Variants in BRD4 observed in about 807,000 individuals in gnomAD.
BRD4 encodes the protein bromodomain containing 4, also known as bromodomain-containing protein 4.
BRD4 carries 16 observed loss-of-function variants against 142.1 expected under a neutral mutation model. The ratio of observed to expected loss-of-function variants is 0.11; its 90% CI spans 0.08 to 0.17. The LOEUF is 0.17. BRD4 is among the 10% of genes least tolerant of loss of function. The pLI is 1.00. For missense variants in BRD4, 1,424 were observed against 1,810.9 expected, an observed-to-expected ratio of 0.79 and a Z score of 3.88; for synonymous variants, 833 against 707.5, an observed-to-expected ratio of 1.18 and a Z score of -2.82.
At chr19:15,304,927 A>G (rs1321824732) in intron 1 of BRD4, among the ~76,000 whole-genome samples, 2 of 152,160 alleles carry the variant, frequency 1.3e-5, no homozygotes, top group Non-Finnish European at 2.9e-5. Flanking sequence ...AACTTCCAGA[A>G]GAAAATATAA....
intron 1 of BRD4, among the ~76,000 whole-genome samples, chr19:15,331,232 G>A (rs543111117): frequency 6.6e-6 from 1 of 152,306 alleles, no homozygotes; most frequent in Admixed American, 6.5e-5. Flanking sequence ...CTCATGCACC[G>A]GCCTGAACTA....
rs761803534 is a variant in BRD4, at chr19:15,264,774, G to A, written c.850-8C>T. 1.4e-5 allele frequency: 22 copies of A among 1,590,072 alleles called. No individual in the cohort carries two copies. Among genetic ancestry groups the A allele is most frequent in the Non-Finnish European group, 1.9e-5 (22 of 1,165,550 alleles). ...CTTCACTCCCTTCTTTGTCTGCCAA[G>A]AACACGGACGCCAACAGGCACAGTC... is the stretch of plus-strand genomic sequence containing the variant. On this transcript the variant is annotated splice_region_variant and splice_polypyrimidine_tract_variant and intron_variant, in intron 5 of 19. Transcript: ENST00000679869.
At position 15,242,933 on chromosome 19, in the gene BRD4, G is replaced by A. The variant is rs1231967386; in HGVS notation, c.3136C>T (p.Pro1046Ser). Residue 1046 changes from proline to serine, a missense_variant, in exon 14 of 20, where the codon CCC (proline) becomes TCC (serine). Pro to Ser is a moderately conservative substitution (Grantham distance 74). Around this residue, in one of 16 missense-constraint regions of BRD4, gnomAD observed 598 missense variants for 647.8 expected, o/e 0.92. Transcript: ENST00000679869. ...PQQVIQHHHS[P>S]RHHKSDPYST... ...TAGGGGTCCGACTTGTGGTGCCGGGGTGAATGGTGGTGCTGGATGACTTGC... is the reference window on the plus strand; with the variant it reads ...TAGGGGTCCGACTTGTGGTGCCGGGATGAATGGTGGTGCTGGATGACTTGC... 1 of 1,603,958 alleles carries A rather than the reference G, an allele frequency of 6.2e-7. No individual in the cohort carries two copies. Among genetic ancestry groups the A allele is most frequent in the Non-Finnish European group, 8.5e-7 (1 of 1,176,134 alleles).
chr19:15,281,625 T>C (rs1052448120), intron 1 of BRD4, among the ~76,000 whole-genome samples: 1 of 152,236 alleles, frequency 6.6e-6, no homozygotes, highest in Admixed American at 6.5e-5. Context: ...TTACATCATG[T>C]TGCTGATTGT....
Position 15,238,626 on chromosome 19 carries a change from ACCAGCAGGGAC to A in BRD4, c.4020+106_4020+116del. ...GCTGAGTCCAGAGGACCACATGCCG[ACCAGCAGGGAC>A]GGGGCTCCCCCGCTGCCCCTCCCTG... is the stretch of plus-strand genomic sequence containing the variant. On this transcript the variant is annotated intron_variant, in intron 19 of 19. Coordinates refer to ENST00000679869, the MANE Select transcript of BRD4 (RefSeq NM_001379291.1). This position sits in a 1 kb window ranked among gnomAD's most constrained non-coding sequence, Gnocchi z 7.2. The A allele has an allele frequency of 3.4e-6, 5 of 1,457,898 alleles. No individual in the cohort carries two copies. The highest frequency in any genetic ancestry group is 4.5e-6 in the Non-Finnish European group (5 of 1,102,076). The allele number at this position is 1,457,898 out of a possible 1,614,324, so 90.3% of individuals were successfully genotyped here. A position where few individuals can be genotyped will look rare whatever the true frequency, so the allele number is the denominator to read the frequency against.
In BRD4 at chr19:15,264,685, G is replaced by C. The variant is rs373874073; in HGVS notation, c.931C>G (p.Pro311Ala). 6.2e-6 allele frequency: 10 copies of C among 1,613,362 alleles called. No individual in the cohort carries two copies. The East Asian group carries it at 1.1e-4, about 18-fold the overall frequency. ...DPIHEPPSLP[P>A]EPKTTKLGQR... is the part of the protein sequence containing the mutation. ...CCCAGCTTGGTGGTCTTGGGCTCCG[G>C]GGGCAGCGAGGGTGGCTCGTGAATG... Residue 311 changes from proline to alanine, a missense_variant, in exon 6 of 20, where the codon CCG becomes GCG. Coordinates refer to ENST00000679869, the MANE Select transcript of BRD4 (RefSeq NM_001379291.1).
At position 15,289,642 on chromosome 19, in the gene BRD4, C is replaced by T. The variant is rs151273944; in HGVS notation, c.-34-16509G>A. Reference sequence around the variant, plus strand: ...CACTCTCAAGGTAGCTAGGTTAGTGCAAAAGTAATTGCGGTTTTGATCCAA... The same window carrying T: ...CACTCTCAAGGTAGCTAGGTTAGTGTAAAAGTAATTGCGGTTTTGATCCAA... On this transcript the variant is annotated intron_variant, in intron 1 of 19. Transcript: ENST00000679869. Among the ~76,000 whole-genome samples, 197 of 143,050 alleles carry T rather than the reference C, an allele frequency of 1.4e-3. 1 individual carries two copies. The highest frequency in any genetic ancestry group is 4.7e-3 in the African/African-American group (182 of 38,916). The allele number at this position is 143,050 out of a possible 152,430, so 93.8% of individuals were successfully genotyped here. A position where few individuals can be genotyped will look rare whatever the true frequency, so the allele number is the denominator to read the frequency against.
chr19:15,263,520 T>A lies in BRD4; in HGVS notation c.1241A>T (p.Asp414Val), dbSNP rs186735266. Residue 414 changes from aspartate (D) to valine (V), a missense_variant, in exon 7 of 20, where the codon GAT (aspartate) becomes GTT (valine). Physicochemically the swap from Asp to Val is radical, Grantham distance 152 (BLOSUM62 -3). Transcript: ENST00000679869. ...GACGTCAGCACCAAACTCCTGAGCATCACGGTACTCACGGGCCTCCAGTTT... is the reference window on the plus strand; with the variant it reads ...GACGTCAGCACCAAACTCCTGAGCAACACGGTACTCACGGGCCTCCAGTTT... ...KSKLEAREYR[D>V]AQEFGADVRL... The A allele has an allele frequency of 6.2e-7, 1 of 1,614,202 alleles. No homozygotes were observed. Among genetic ancestry groups the A allele is most frequent in the East Asian group, 2.2e-5 (1 of 44,876 alleles).
rs539315954 is a variant in BRD4 at position 15,309,014 on chromosome 19, C to CAACA, written c.-35+23272_-35+23275dup. On this transcript the variant is annotated intron_variant, in intron 1 of 19. Transcript: ENST00000679869. ...TGGGAGACAGAGCAAGACTCCATCT[C>CAACA]AACAAACAAACAAACAAACAAACAA... is the stretch of plus-strand genomic sequence containing the variant. 4.7e-3 allele frequency among the ~76,000 whole-genome samples: 707 copies of CAACA among 151,002 alleles called. 1 individual carries two copies. The highest frequency in any genetic ancestry group is 0.021 in the Middle Eastern group (6 of 292).
chr19:15,242,285 T>C (rs1161507440), intron 14 of BRD4, among the ~76,000 whole-genome samples: 1 of 152,066 alleles, frequency 6.6e-6, no homozygotes, highest in South Asian at 2.1e-4. Context: ...GACCAGAACA[T>C]CCCCTGCCGG....
chr19:15,264,853 G>A, intron 5 of BRD4, 87 bp from the exon 6 acceptor site: 1 of 1,519,724 alleles, frequency 6.6e-7, no homozygotes, highest in Non-Finnish European at 8.8e-7. Context: ...GCCAGGCCCT[G>A]TCTTGGGGCC....
At chr19:15,243,645 C>G (rs1473814961) in intron 13 of BRD4, among the ~76,000 whole-genome samples, 158 bp from the exon 14 acceptor site, 1 of 152,152 alleles carries the variant, frequency 6.6e-6, no homozygotes, top group South Asian at 2.1e-4. Flanking sequence ...CCCACAAACT[C>G]CAGAGCAGTA....
rs200272821 is a variant in BRD4, at chr19:15,238,174, C to T, written c.*203G>A. The stretch of plus-strand genomic sequence containing the variant: ...ACGTCCTGTGAGGGGTGGTGGGTGG[C>T]GGGACGTCTGTCCGACTGGCCGTAA... On this transcript the variant is annotated 3_prime_UTR_variant, in exon 20 of 20. Transcript: ENST00000679869. The surrounding 1 kb of genome is among the most constrained non-coding windows in gnomAD (Gnocchi z 7.2). The T allele has an allele frequency of 6.0e-5, 45 of 754,834 alleles. No homozygotes were observed. The highest frequency in any genetic ancestry group is 8.1e-5 in the Non-Finnish European group (39 of 479,030). The allele number at this position is 754,834 out of a possible 1,614,324, so 46.8% of individuals were successfully genotyped here. A position where few individuals can be genotyped will look rare whatever the true frequency, so the allele number is the denominator to read the frequency against.
chr19:15,238,121 T>C lies in BRD4; in HGVS notation c.*256A>G. ...GCAGGGCTTGGGTCCAGCCGGCACT[T>C]GCTCGTAACAAGGCGTGTGCTGAGC... On this transcript the variant is annotated 3_prime_UTR_variant, in exon 20 of 20. Transcript: ENST00000679869. This position sits in a 1 kb window ranked among gnomAD's most constrained non-coding sequence, Gnocchi z 7.2. 1.9e-6 allele frequency: 1 copy of C among 523,522 alleles called. No homozygotes were observed. The highest frequency in any genetic ancestry group is 3.4e-6 in the Non-Finnish European group (1 of 295,308). The allele number at this position is 523,522 out of a possible 1,614,324, so 32.4% of individuals were successfully genotyped here.
At position 15,257,206 on chromosome 19, in the gene BRD4, T is replaced by C. The variant is rs1405723516; in HGVS notation, c.1342-33A>G. ...GGGAAAGACATGCTGTGACGGCTGC[T>C]GGGTACCCAGGCCGCGGCCTAGCAT... is the stretch of plus-strand genomic sequence containing the variant. On this transcript the variant is annotated intron_variant, in intron 7 of 19. Transcript: ENST00000679869. 4 of 1,568,046 alleles carry C rather than the reference T, an allele frequency of 2.6e-6. No homozygotes were observed. In the Admixed American group the frequency reaches 7.2e-5, roughly 28 times the overall value.
intron 1 of BRD4, among the ~76,000 whole-genome samples, chr19:15,292,440 A>C (rs1248504731): frequency 1.3e-5 from 2 of 152,194 alleles, no homozygotes; most frequent in Non-Finnish European, 1.5e-5. Context: ...CTACCTGCCT[A>C]ATAGGGCATC....
At chr19:15,242,632 G>T (rs1461609173) in intron 14 of BRD4, among the ~76,000 whole-genome samples, 1 of 152,166 alleles carries the variant, frequency 6.6e-6, no homozygotes, top group East Asian at 1.9e-4. Flanking sequence ...CACCTAGCAA[G>T]AAGTCACCTA....
chr19:15,331,979 GCCCGCGCCCCCCA>G (rs1190967086), intron 1 of BRD4: 4 of 114,352 alleles, frequency 3.5e-5, no homozygotes, highest in South Asian at 2.7e-4. Context: ...CCGCCGCGGC[GCCCGCGCCCCCCA>G]CCCGCGCCCC....
chr19:15,243,145 G>GGCGGCTGCTGCT lies in BRD4; in HGVS notation c.2912_2923dup (p.Gln971_Pro974dup), dbSNP rs777645654. On this transcript the variant is annotated inframe_insertion, in exon 14 of 20. Coordinates refer to ENST00000679869, the MANE Select transcript of BRD4 (RefSeq NM_001379291.1). Reference sequence around the variant, plus strand: ...CTGGGGCTGGGGTGGTGGGGGTGGTGGCGGCTGCTGCTGCAGCTGCTGCTG... The same window carrying GGCGGCTGCTGCT: ...CTGGGGCTGGGGTGGTGGGGGTGGTGGCGGCTGCTGCTGCGGCTGCTGCTGCAGCTGCTGCTG... The GGCGGCTGCTGCT allele has an allele frequency of 3.4e-6, 4 of 1,165,606 alleles. No individual in the cohort carries two copies. In the African/African-American group the frequency reaches 6.7e-5, roughly 20 times the overall value. The allele number at this position is 1,165,606 out of a possible 1,614,324, so 72.2% of individuals were successfully genotyped here.
Sources: gnomAD v4.1 joint callset for allele counts (sites outside exome capture counted in the v4.1 genomes callset) on GRCh38, gnomAD v4.1.1 for gene constraint, gnomAD v4.1.1 regional missense constraint, Gnocchi (gnomAD v3.1) non-coding constraint, MANE v1.5 for transcripts, NCBI Gene and HGNC (gene_info 2026-07-23, HGNC 2026-07-21) for gene names.